The following CACNA1C variants were observed in gnomAD, a reference collection of about 807,000 sequenced individuals.
CACNA1C encodes the protein voltage-dependent L-type calcium channel subunit alpha-1C.
CACNA1C carries 30 observed loss-of-function variants against 229.0 expected under a neutral mutation model. The ratio of observed to expected loss-of-function variants is 0.13; its 90% CI spans 0.10 to 0.18. CACNA1C has a LOEUF of 0.18. Ranked by LOEUF, CACNA1C falls within the 10% of genes least tolerant of loss-of-function variation. The probability of loss-of-function intolerance (pLI) is 1.00; values close to 1 mark genes in which losing one functional copy is unlikely to be tolerated. For synonymous variants in CACNA1C, 1,114 were observed against 1,132.5 expected (o/e 0.98, Z 0.33); for missense variants, 1,658 against 2,845.0 (o/e 0.58, Z 9.49).
At chr12:2,142,814 TAAAAG>T (rs1473803854) in intron 3 of CACNA1C, among the ~76,000 whole-genome samples, 4 of 151,216 alleles carry the variant, frequency 2.6e-5, no homozygotes, top group Non-Finnish European at 3.0e-5. Context: ...AGAATATGGA[TAAAAG>T]AAAAGTATTT....
At chr12:2,407,269 C>T (rs1037613508) in intron 3 of CACNA1C, among the ~76,000 whole-genome samples, 17 of 152,128 alleles carry the variant, frequency 1.1e-4, no homozygotes, top group African/African-American at 3.9e-4. Context: ...TCGTCTCCAC[C>T]GACACCATGT....
intron 10 of CACNA1C, among the ~76,000 whole-genome samples, chr12:2,554,538 G>C (rs539123491): frequency 1.2e-4 from 19 of 152,250 alleles, no homozygotes; most frequent in African/African-American, 4.6e-4. Flanking sequence ...TCGGTAGCAG[G>C]GAGGCATTGG....
intron 3 of CACNA1C, among the ~76,000 whole-genome samples, chr12:2,303,270 G>A (rs1482265115): frequency 6.6e-6 from 1 of 152,178 alleles, no homozygotes; most frequent in East Asian, 1.9e-4. Context: ...AAGAGAAACA[G>A]GTTTCTTCTC....
chr12:2,391,036 C>G (rs1445728165), intron 3 of CACNA1C, among the ~76,000 whole-genome samples: 1 of 152,124 alleles, frequency 6.6e-6, no homozygotes, highest in Non-Finnish European at 1.5e-5. Flanking sequence ...GAAGAGGCAA[C>G]CCTAAGAGAG....
intron 1 of CACNA1C, among the ~76,000 whole-genome samples, chr12:2,025,513 A>G (rs958217370): frequency 3.9e-5 from 6 of 152,174 alleles, no homozygotes; most frequent in African/African-American, 1.4e-4. Context: ...CTAAGCCTCC[A>G]AAATGGTTCT....
At chr12:2,625,412 C>A (rs1166524523) in intron 29 of CACNA1C, among the ~76,000 whole-genome samples, 1 of 152,204 alleles carries the variant, frequency 6.6e-6, no homozygotes, top group African/African-American at 2.4e-5. Flanking sequence ...CCCAGACCTA[C>A]AGGGTGCGTC....
intron 3 of CACNA1C, among the ~76,000 whole-genome samples, chr12:2,395,585 T>TA (rs1229629911): frequency 6.6e-6 from 1 of 152,118 alleles, no homozygotes; most frequent in African/African-American, 2.4e-5. Flanking sequence ...AGGCTGTAGT[T>TA]ACAGGGAAAG....
intron 3 of CACNA1C, among the ~76,000 whole-genome samples, chr12:2,190,105 A>G (rs1443118589): frequency 6.6e-6 from 1 of 152,236 alleles, no homozygotes; most frequent in East Asian, 1.9e-4. Context: ...GAAATCCTTT[A>G]AAATTTATTG....
At chr12:2,390,300 G>A (rs1214489913) in intron 3 of CACNA1C, among the ~76,000 whole-genome samples, 1 of 152,130 alleles carries the variant, frequency 6.6e-6, no homozygotes, top group Non-Finnish European at 1.5e-5. Context: ...TGTAAATGAG[G>A]ACTGTCCTGG....
intron 3 of CACNA1C, among the ~76,000 whole-genome samples, chr12:2,362,711 G>A (rs140824795): frequency 5.3e-4 from 80 of 152,188 alleles, no homozygotes; most frequent in African/African-American, 1.4e-3. Flanking sequence ...TTTTTTCTGC[G>A]AGGGCTCAGA....
intron 8 of CACNA1C, among the ~76,000 whole-genome samples, chr12:2,507,743 T>C (rs1350712704): frequency 6.6e-6 from 1 of 152,154 alleles, no homozygotes; most frequent in Non-Finnish European, 1.5e-5. Flanking sequence ...AGAAGGCAAG[T>C]GAAGCTCACC....
At chr12:1,991,911 T>G (rs1014769167) in intron 1 of CACNA1C, 1 of 166,900 alleles carries the variant, frequency 6.0e-6, no homozygotes, top group Non-Finnish European at 1.3e-5. Flanking sequence ...AAGTGATGAT[T>G]ACAGGTAACT....
chr12:2,485,105 T>G (rs1404640654), intron 5 of CACNA1C, among the ~76,000 whole-genome samples: 1 of 151,948 alleles, frequency 6.6e-6, no homozygotes, highest in African/African-American at 2.4e-5. Flanking sequence ...ACACAGAAGG[T>G]AAAGACACAA....
At chr12:2,230,706 A>G (rs1216169660) in intron 3 of CACNA1C, among the ~76,000 whole-genome samples, 4 of 152,212 alleles carry the variant, frequency 2.6e-5, no homozygotes, top group Non-Finnish European at 5.9e-5. Flanking sequence ...ACTTTATTCC[A>G]CTGTCAGTCA....
intron 5 of CACNA1C, among the ~76,000 whole-genome samples, chr12:2,460,551 A>C (rs1178238219): frequency 2.0e-5 from 3 of 152,216 alleles, no homozygotes; most frequent in African/African-American, 7.2e-5. Flanking sequence ...ACTACAGAGG[A>C]AATTTCCCGA....
chr12:2,389,029 TAGG>T (rs1407826283), intron 3 of CACNA1C, among the ~76,000 whole-genome samples: 2 of 151,794 alleles, frequency 1.3e-5, no homozygotes, highest in African/African-American at 4.8e-5. Context: ...ATGACTAGGG[TAGG>T]AGGAGAATAG....
At chr12:2,473,259 A>G (rs2099602555) in intron 5 of CACNA1C, among the ~76,000 whole-genome samples, 1 of 152,098 alleles carries the variant, frequency 6.6e-6, no homozygotes, top group East Asian at 1.9e-4. Context: ...CCACAGACAC[A>G]CAGGCAACCC....
intron 3 of CACNA1C, among the ~76,000 whole-genome samples, chr12:2,159,565 A>G (rs1183964939): frequency 6.6e-6 from 1 of 150,872 alleles, no homozygotes; most frequent in Non-Finnish European, 1.5e-5. Flanking sequence ...TGAATAGCTG[A>G]TTATTGGTGT....
chr12:2,668,315 C>G (rs2096346940), intron 37 of CACNA1C, among the ~76,000 whole-genome samples: 2 of 152,118 alleles, frequency 1.3e-5, no homozygotes, highest in South Asian at 2.1e-4. Flanking sequence ...AATTTCATAC[C>G]TCTCCCACTC....
Sources: allele counts gnomAD v4.1 joint callset (sites outside exome capture counted in the v4.1 genomes callset), GRCh38; gene constraint gnomAD v4.1.1; transcripts MANE v1.5; gene names NCBI Gene and HGNC (gene_info 2026-07-23, HGNC 2026-07-21).